CPNE4: variants seen among roughly 807,000 people sequenced by gnomAD.
CPNE4 encodes copine-4.
CPNE4 carries 25 observed loss-of-function variants against 67.9 expected under a neutral mutation model. The ratio of observed to expected loss-of-function variants is 0.37; its 90% confidence interval spans 0.27 to 0.51. The LOEUF (loss-of-function observed/expected upper bound fraction) is 0.51. Ranked by LOEUF, CPNE4 falls within the 20% of genes least tolerant of loss-of-function variation. The pLI, the probability that CPNE4 is intolerant of heterozygous loss-of-function variation, is 0.93. For missense variants in CPNE4, 464 were observed against 690.8 expected (o/e 0.67, Z 3.68); for synonymous variants, 242 against 244.9 (o/e 0.99, Z 0.11).
At chr3:131,863,353 C>T (rs554732290) in intron 2 of CPNE4, among the ~76,000 whole-genome samples, 343 of 152,272 alleles carry the variant, frequency 2.3e-3, no homozygotes, top group South Asian at 6.4e-3. Context: ...TATTTCTCCA[C>T]ATCCTCTCCA....
chr3:131,972,540 C>T (rs2072531667), intron 1 of CPNE4, among the ~76,000 whole-genome samples: 1 of 152,172 alleles, frequency 6.6e-6, no homozygotes, highest in Middle Eastern at 3.2e-3. Context: ...GAAGCTGCTG[C>T]TCTCATGGAA....
intron 2 of CPNE4, among the ~76,000 whole-genome samples, chr3:131,867,994 T>G (rs2087030009): frequency 6.6e-6 from 1 of 152,190 alleles, no homozygotes; most frequent in Admixed American, 6.5e-5. Context: ...CAATCTTTAA[T>G]TTTTCTGCAT....
chr3:131,827,629 T>C (rs2085214387), intron 2 of CPNE4, among the ~76,000 whole-genome samples: 2 of 152,130 alleles, frequency 1.3e-5, no homozygotes, highest in African/African-American at 2.4e-5. Context: ...ATGGCTGTTA[T>C]GCTTTAGAAT....
At chr3:131,747,883 A>T (rs571802174) in intron 2 of CPNE4, among the ~76,000 whole-genome samples, 2 of 152,274 alleles carry the variant, frequency 1.3e-5, no homozygotes, top group East Asian at 3.9e-4. Flanking sequence ...ACTCTAGCAC[A>T]ATATTGAAAA....
intron 3 of CPNE4, among the ~76,000 whole-genome samples, chr3:131,703,779 C>T (rs894669860): frequency 2.6e-5 from 4 of 152,016 alleles, no homozygotes; most frequent in Non-Finnish European, 5.9e-5. Flanking sequence ...TGAATACTTT[C>T]TAGGTACCAG....
chr3:131,957,984 T>A (rs2699852), intron 1 of CPNE4, among the ~76,000 whole-genome samples: 78,659 of 151,890 alleles, frequency 0.52, 21,752 homozygotes, highest in Admixed American at 0.67. Context: ...GAAGAAGGAG[T>A]TAAAGAATAC....
intron 7 of CPNE4, among the ~76,000 whole-genome samples, chr3:131,667,207 A>C (rs573210179): frequency 6.6e-5 from 10 of 152,280 alleles, no homozygotes; most frequent in Admixed American, 6.5e-4. Context: ...GATGCAAGAA[A>C]AAAAAATTAG....
chr3:131,546,976 C>G (rs1935881346), intron 14 of CPNE4, among the ~76,000 whole-genome samples: 1 of 152,098 alleles, frequency 6.6e-6, no homozygotes, highest in African/African-American at 2.4e-5. Context: ...AGAATTGGTT[C>G]TGGTGCTGAA....
At chr3:131,706,804 T>G (rs1006037197) in intron 3 of CPNE4, among the ~76,000 whole-genome samples, 2 of 152,218 alleles carry the variant, frequency 1.3e-5, no homozygotes, top group East Asian at 3.8e-4. Flanking sequence ...TCGTTTCTAT[T>G]GATTCCAAGT....
chr3:131,721,905 G>C (rs577922478), intron 3 of CPNE4, among the ~76,000 whole-genome samples: 39 of 152,238 alleles, frequency 2.6e-4, no homozygotes, highest in Non-Finnish European at 4.9e-4. Flanking sequence ...AAGATCCTTT[G>C]AACTATCTGC....
chr3:131,604,126 T>C (rs1340960356), intron 7 of CPNE4, among the ~76,000 whole-genome samples: 1 of 152,162 alleles, frequency 6.6e-6, no homozygotes, highest in East Asian at 1.9e-4. Context: ...GGATCCATTC[T>C]AGATGATAAT....
chr3:131,972,865 A>G (rs1162526925), intron 1 of CPNE4, among the ~76,000 whole-genome samples: 1 of 152,196 alleles, frequency 6.6e-6, no homozygotes, highest in Non-Finnish European at 1.5e-5. Flanking sequence ...CAGATCTGCC[A>G]TTCTGAAATC....
At chr3:131,773,847 A>T (rs1427499909) in intron 2 of CPNE4, among the ~76,000 whole-genome samples, 1 of 152,178 alleles carries the variant, frequency 6.6e-6, no homozygotes, top group Non-Finnish European at 1.5e-5. Flanking sequence ...GTGCTACTGT[A>T]AACATTTTAA....
chr3:132,006,668 G>A (rs1220643433), intron 1 of CPNE4, among the ~76,000 whole-genome samples: 1 of 141,516 alleles, frequency 7.1e-6, no homozygotes, highest in East Asian at 2.1e-4. Context: ...TTTTTTTGTT[G>A]TTGTTCTCTG....
intron 2 of CPNE4, among the ~76,000 whole-genome samples, chr3:131,751,637 T>C (rs947839313): frequency 1.3e-5 from 2 of 152,190 alleles, no homozygotes; most frequent in African/African-American, 4.8e-5. Context: ...CATCTTAGTG[T>C]TGGAATACAT....
chr3:131,730,876 G>T (rs1362971578), intron 2 of CPNE4, among the ~76,000 whole-genome samples: 1 of 152,022 alleles, frequency 6.6e-6, no homozygotes, highest in Non-Finnish European at 1.5e-5. Context: ...AACTGTGAAG[G>T]AATAAATTTC....
At chr3:131,750,972 C>T (rs763129079) in intron 2 of CPNE4, among the ~76,000 whole-genome samples, 2 of 152,000 alleles carry the variant, frequency 1.3e-5, no homozygotes, top group African/African-American at 2.4e-5. Context: ...ATATTATGCC[C>T]CTTCCTTCTT....
chr3:131,599,063 G>A (rs753793080), intron 7 of CPNE4, among the ~76,000 whole-genome samples: 16 of 152,102 alleles, frequency 1.1e-4, no homozygotes, highest in Non-Finnish European at 2.4e-4. Context: ...TCATTTTATG[G>A]AGCTCTTAGG....
At chr3:131,938,250 C>T (rs11926136) in intron 1 of CPNE4, among the ~76,000 whole-genome samples, 14,149 of 151,498 alleles carry the variant, frequency 0.093, 1,580 homozygotes, top group African/African-American at 0.27. Flanking sequence ...TCAGTTACTC[C>T]GGAGGCTGAG....
Sources: gnomAD v4.1 joint callset for allele counts (sites outside exome capture counted in the v4.1 genomes callset) on GRCh38, gnomAD v4.1.1 for gene constraint, MANE v1.5 for transcripts, NCBI Gene and HGNC (gene_info 2026-07-23, HGNC 2026-07-21) for gene names.